The following NUP62CL variants were observed in gnomAD, a reference collection of about 807,000 sequenced individuals.
NUP62CL encodes the protein nucleoporin-62 C-terminal-like protein.
Under a neutral mutation model 15.3 loss-of-function variants are expected in NUP62CL, and 13 were observed. The ratio of observed to expected loss-of-function variants is 0.85; its 90% CI spans 0.55 to 1.35. The LOEUF (loss-of-function observed/expected upper bound fraction) is 1.35, where lower values mean the gene tolerates loss of function less well. Among genes scored for constraint, NUP62CL ranks in the 40% most tolerant of loss-of-function variants. NUP62CL has a pLI of 0.00. For synonymous variants in NUP62CL, 54 were observed against 49.2 expected, an observed-to-expected ratio of 1.10 and a Z score of -0.41; for missense variants, 123 against 130.6, an observed-to-expected ratio of 0.94 and a Z score of 0.28.
chrX:107,182,037 T>C (rs1569364025), intron 2 of NUP62CL, among the ~76,000 whole-genome samples: 1 of 112,130 alleles, frequency 8.9e-6, no homozygotes, highest in Non-Finnish European at 1.9e-5. Flanking sequence ...TCTTGATCAT[T>C]TGTCCCAGAT....
At chrX:107,138,534 A>G (rs1302914801) in intron 8 of NUP62CL, among the ~76,000 whole-genome samples, 2 of 112,316 alleles carry the variant, frequency 1.8e-5, no homozygotes, top group Non-Finnish European at 3.8e-5. Flanking sequence ...AAAAGTTTAT[A>G]CTGATGGGAA....
At chrX:107,189,943 A>AAGAAAGAG (rs1476566003) in intron 2 of NUP62CL, among the ~76,000 whole-genome samples, 17 of 95,508 alleles carry the variant, frequency 1.8e-4, no homozygotes, top group South Asian at 4.5e-4. Flanking sequence ...GAAAGAAAGA[A>AAGAAAGAG]AGAGAATCGA....
rs893235318 is a variant in NUP62CL at position 107,149,438 on chromosome X, T to C, written c.531-1629A>G. Among the ~76,000 whole-genome samples, 3 of 112,227 alleles carry C rather than the reference T, an allele frequency of 2.7e-5. 1 individual carries two copies. In the Admixed American group the frequency reaches 2.8e-4, roughly 11 times the overall value. ...GCATGAATAATTTCAGATTAATTTA[T>C]ATTTGTCTTTGTTCAACTTTAGATT... On this transcript the variant is annotated intron_variant, in intron 7 of 8. Transcript: ENST00000372466.
intron 4 of NUP62CL, among the ~76,000 whole-genome samples, chrX:107,155,948 C>T (rs1322592206): frequency 8.9e-6 from 1 of 112,392 alleles, no homozygotes; most frequent in Non-Finnish European, 1.9e-5. Context: ...CAAAGCAGGG[C>T]GAGGCATTCC....
intron 4 of NUP62CL, among the ~76,000 whole-genome samples, chrX:107,167,163 T>A (rs1926535947): frequency 8.9e-6 from 1 of 111,852 alleles, no homozygotes; most frequent in South Asian, 3.7e-4. Flanking sequence ...AATGAACAAA[T>A]ACTAGAGAGA....
chrX:107,178,731 G>C (rs1370171883), intron 2 of NUP62CL, among the ~76,000 whole-genome samples: 1 of 111,733 alleles, frequency 8.9e-6, no homozygotes, highest in Non-Finnish European at 1.9e-5. Context: ...GAGATGTGGG[G>C]AAGGAATTGG....
intron 1 of NUP62CL, among the ~76,000 whole-genome samples, chrX:107,194,505 T>A (rs1927314435): frequency 9.0e-6 from 1 of 111,350 alleles, no homozygotes; most frequent in Admixed American, 9.6e-5. Flanking sequence ...ATTAATAAAA[T>A]GAGATGACTA....
rs368682007 is a variant in NUP62CL, at chrX:107,147,757, A to G, written c.*28T>C. On this transcript the variant is annotated 3_prime_UTR_variant, in exon 8 of 9. Transcript: ENST00000372466. The stretch of plus-strand genomic sequence containing the variant: ...CAAACTCCCACCTGAATTCCGATCA[A>G]TCCACTGCAGGGAGTCCATATGGGC... 7.0e-5 allele frequency: 82 copies of G among 1,177,686 alleles called. No homozygotes were observed. Among genetic ancestry groups the G allele is most frequent in the South Asian group, 6.8e-4 (38 of 55,873 alleles).
At chrX:107,187,476 C>A (rs1413893869) in intron 2 of NUP62CL, among the ~76,000 whole-genome samples, 1 of 112,421 alleles carries the variant, frequency 8.9e-6, no homozygotes, top group Non-Finnish European at 1.9e-5. Context: ...TGGCTCACTG[C>A]AACCTCTGCC....
At chrX:107,177,896 T>A (rs773142039) in intron 2 of NUP62CL, among the ~76,000 whole-genome samples, 12 of 111,451 alleles carry the variant, frequency 1.1e-4, no homozygotes, top group African/African-American at 3.9e-4. Flanking sequence ...CACAAAAACA[T>A]ATATGTGAAT....
chrX:107,138,634 C>T (rs1187007839), intron 8 of NUP62CL, among the ~76,000 whole-genome samples: 2 of 111,604 alleles, frequency 1.8e-5, no homozygotes, highest in East Asian at 5.6e-4. Context: ...ATTACAAGAG[C>T]TAAAATGAAA....
intron 1 of NUP62CL, among the ~76,000 whole-genome samples, chrX:107,193,797 G>A (rs1172974737): frequency 9.0e-6 from 1 of 111,029 alleles, no homozygotes; most frequent in Non-Finnish European, 1.9e-5. Context: ...CCAGAAATTA[G>A]AGATAAAAGC....
chrX:107,167,139 A>C (rs983739486), intron 4 of NUP62CL, among the ~76,000 whole-genome samples: 1 of 112,002 alleles, frequency 8.9e-6, no homozygotes, highest in African/African-American at 3.2e-5. Flanking sequence ...CAAAATAAAA[A>C]GCTTAATTTA....
In NUP62CL at chrX:107,146,969, A is replaced by C. The variant is rs1285588; in HGVS notation, c.*42+774T>G. On this transcript the variant is annotated intron_variant, in intron 8 of 8. Transcript: ENST00000372466. ...TCTAGGTGTGCTCATTGCCACTGGG[A>C]TATGTCTGTCATTGCTTCTAGGCCA... is the stretch of plus-strand genomic sequence containing the variant. Among the ~76,000 whole-genome samples the C allele has an allele frequency of 2.9e-4, 32 of 110,305 alleles. No homozygotes were observed. The East Asian group carries it at 8.6e-3, about 30-fold the overall frequency.
At chrX:107,131,547 C>T in intron 8 of NUP62CL, 1 of 359,900 alleles carries the variant, frequency 2.8e-6, no homozygotes. Flanking sequence ...TGCTGATTAT[C>T]AGAAATGCCT....
rs1926116379 is a variant in NUP62CL, at chrX:107,154,119, T to C, written c.322A>G (p.Thr108Ala). Residue 108 changes from threonine (T) to alanine (A), a missense_variant, in exon 5 of 9, where the codon ACA (threonine) becomes GCA (alanine). Coordinates refer to ENST00000372466, the MANE Select transcript of NUP62CL (RefSeq NM_017681.3). ...ACCATCTCACCATTCTCAATCAATG[T>C]ATGGTCCCAAGCATTGACCTGAGTG... Reference protein sequence around the residue: ...QATQVNAWDHTLIENGEMIRI... With the variant: ...QATQVNAWDHALIENGEMIRI... 1 of 1,202,836 alleles carries C rather than the reference T, an allele frequency of 8.3e-7. No homozygotes were observed. Among genetic ancestry groups the C allele is most frequent in the Non-Finnish European group, 1.1e-6 (1 of 891,229 alleles).
intron 2 of NUP62CL, among the ~76,000 whole-genome samples, chrX:107,180,966 T>G (rs1218044476): frequency 5.0e-5 from 5 of 99,933 alleles, no homozygotes; most frequent in African/African-American, 1.9e-4. Context: ...CCAGTTGGAG[T>G]GGTGCAGTGG....
At chrX:107,174,151 CCTTTT>C (rs1262017581) in intron 3 of NUP62CL, among the ~76,000 whole-genome samples, 63 of 78,066 alleles carry the variant, frequency 8.1e-4, no homozygotes, top group African/African-American at 3.1e-3. Context: ...TTCTTCCTTT[CCTTTT>C]TTTTTTTTTT....
At chrX:107,134,823 T>C (rs915948504) in intron 8 of NUP62CL, among the ~76,000 whole-genome samples, 1 of 112,037 alleles carries the variant, frequency 8.9e-6, no homozygotes, top group Admixed American at 9.4e-5. Flanking sequence ...CATTTTAAAA[T>C]CATAAGCAGA....
Sources: gnomAD v4.1 joint callset for allele counts (sites outside exome capture counted in the v4.1 genomes callset) on GRCh38, gnomAD v4.1.1 for gene constraint, MANE v1.5 for transcripts, NCBI Gene and HGNC (gene_info 2026-07-23, HGNC 2026-07-21) for gene names.